SRGAP2B: variants seen among roughly 807,000 people sequenced by gnomAD.
The protein encoded by SRGAP2B is SLIT-ROBO Rho GTPase activating protein 2B.
In SRGAP2B, 9 loss-of-function variants were observed where a neutral mutation model predicts 22.2. The observed-to-expected ratio is 0.41, with a 90% confidence interval of 0.24 to 0.71. SRGAP2B has a LOEUF of 0.71. Among genes scored for constraint, SRGAP2B ranks in the 30% least tolerant of loss-of-function variants. SRGAP2B has a pLI of 0.35. For synonymous variants in SRGAP2B, 36 were observed against 87.4 expected (o/e 0.41, Z 3.28); for missense variants, 114 against 235.8 (o/e 0.48, Z 3.38).
intron 2 of SRGAP2B, among the ~76,000 whole-genome samples, chr1:145,022,801 G>T (rs1448735361): frequency 2.9e-4 from 43 of 148,666 alleles, no homozygotes; most frequent in Non-Finnish European, 5.9e-4. Flanking sequence ...TCACTTTCAC[G>T]GAGTAGGGAT....
chr1:144,908,642 A>C (rs1346844758), intron 5 of SRGAP2B, among the ~76,000 whole-genome samples: 3 of 149,664 alleles, frequency 2.0e-5, no homozygotes, highest in East Asian at 1.9e-4. Context: ...TAAGTGATGC[A>C]AAAACAATTG....
chr1:144,943,434 AT>A (rs1385896376), intron 4 of SRGAP2B, among the ~76,000 whole-genome samples: 4 of 151,790 alleles, frequency 2.6e-5, no homozygotes, highest in Non-Finnish European at 5.9e-5. Context: ...TCTGTTTTTT[AT>A]ATCATATTTT....
chr1:144,955,074 G>C (rs1429384795), intron 4 of SRGAP2B, among the ~76,000 whole-genome samples: 1 of 150,006 alleles, frequency 6.7e-6, no homozygotes, highest in Non-Finnish European at 1.5e-5. Context: ...TATAGTACCA[G>C]CCCTGGGTTT....
intron 3 of SRGAP2B, among the ~76,000 whole-genome samples, chr1:144,971,026 G>A (rs1329504302): frequency 2.0e-5 from 3 of 149,880 alleles, no homozygotes; most frequent in East Asian, 1.9e-4. Context: ...GAAACAAAGT[G>A]ACTAGAATCA....
intron 3 of SRGAP2B, among the ~76,000 whole-genome samples, chr1:144,984,368 A>C (rs1205972003): frequency 0.011 from 1,207 of 113,248 alleles, 16 homozygotes; most frequent in South Asian, 0.039. Flanking sequence ...ACAACAACAA[A>C]AAAAAAAAAA....
chr1:144,917,697 T>A (rs1570737871), intron 4 of SRGAP2B, among the ~76,000 whole-genome samples: 1 of 141,142 alleles, frequency 7.1e-6, no homozygotes, highest in East Asian at 2.0e-4. Flanking sequence ...GACTTACTGC[T>A]CCCTCTGGCT....
At chr1:145,015,576 A>C (rs1388014284) in intron 2 of SRGAP2B, among the ~76,000 whole-genome samples, 1 of 149,508 alleles carries the variant, frequency 6.7e-6, no homozygotes, top group Admixed American at 6.7e-5. Flanking sequence ...CTGTAGGAGT[A>C]TACAGAAATT....
chr1:144,964,751 C>A (rs1188086195), intron 3 of SRGAP2B, among the ~76,000 whole-genome samples: 13 of 150,650 alleles, frequency 8.6e-5, no homozygotes, highest in Non-Finnish European at 1.5e-4. Flanking sequence ...ATCTCTTCAC[C>A]TGTTTTAAAA....
At chr1:145,058,141 C>A (rs1553630747) in intron 2 of SRGAP2B, among the ~76,000 whole-genome samples, 1 of 149,674 alleles carries the variant, frequency 6.7e-6, no homozygotes, top group East Asian at 1.9e-4. Flanking sequence ...TTCCTAGGAC[C>A]TGTGTGACCA....
chr1:144,984,365 C>CAAAAAAAA (rs57268593), intron 3 of SRGAP2B, among the ~76,000 whole-genome samples: 1 of 126,424 alleles, frequency 7.9e-6, no homozygotes, highest in Non-Finnish European at 1.6e-5. Flanking sequence ...ACAACAACAA[C>CAAAAAAAA]AAAAAAAAAA....
At chr1:145,061,741 C>T (rs1650938901) in intron 2 of SRGAP2B, among the ~76,000 whole-genome samples, 6 of 147,422 alleles carry the variant, frequency 4.1e-5, no homozygotes, top group African/African-American at 1.5e-4. Flanking sequence ...GCACCTGCCA[C>T]CCACCTAGCT....
intron 2 of SRGAP2B, among the ~76,000 whole-genome samples, chr1:145,010,610 A>T (rs1553622099): frequency 2.0e-5 from 3 of 148,892 alleles, no homozygotes. Context: ...TCTTCTGTTA[A>T]ATTCAAGTAA....
At chr1:144,994,933 TG>T in intron 3 of SRGAP2B, 74 bp downstream of exon 3, 1 of 704,990 alleles carries the variant, frequency 1.4e-6, no homozygotes, top group South Asian at 2.3e-5. Context: ...TGGATCTAAG[TG>T]GCATACCCTG....
At chr1:144,944,059 C>A (rs1170490532) in intron 4 of SRGAP2B, among the ~76,000 whole-genome samples, 1 of 149,680 alleles carries the variant, frequency 6.7e-6, no homozygotes, top group Non-Finnish European at 1.5e-5. Context: ...CCAAAATATA[C>A]CCACTGTAAT....
At chr1:144,922,706 T>C (rs1664343220) in intron 4 of SRGAP2B, among the ~76,000 whole-genome samples, 1 of 150,254 alleles carries the variant, frequency 6.7e-6, no homozygotes, top group Non-Finnish European at 1.5e-5. Context: ...AGGATATGGT[T>C]CGACTGTGGG....
chr1:144,942,256 A>T (rs1666104440), intron 4 of SRGAP2B, among the ~76,000 whole-genome samples: 1 of 149,734 alleles, frequency 6.7e-6, no homozygotes, highest in Non-Finnish European at 1.5e-5. Context: ...TATTGCTGTG[A>T]TTCTTAATAA....
chr1:144,973,045 T>A (rs2102022005), intron 3 of SRGAP2B, among the ~76,000 whole-genome samples: 1 of 141,414 alleles, frequency 7.1e-6, no homozygotes, highest in African/African-American at 2.9e-5. Context: ...GAGGCAGAGG[T>A]TGCAGTGAGC....
intron 2 of SRGAP2B, among the ~76,000 whole-genome samples, chr1:145,019,179 C>CAA (rs1169095846): frequency 9.9e-4 from 40 of 40,608 alleles, no homozygotes; most frequent in African/African-American, 1.5e-3. Flanking sequence ...CTTGTCTCTA[C>CAA]AAAAAAAAAA....
rs1254359102 is a variant in SRGAP2B at position 144,915,458 on chromosome 1, GCTCACAC to G, written c.424-711_424-705del. 5.8e-4 allele frequency among the ~76,000 whole-genome samples: 87 copies of G among 150,824 alleles called. 1 individual carries two copies. Among genetic ancestry groups the G allele is most frequent in the African/African-American group, 2.1e-3 (85 of 40,364 alleles). Reference sequence around the variant, plus strand: ...TAAACAATGAGGGCTGGGCACGGTGGCTCACACCTGTAATCCCAGCACTTTGAGAGGC... The same window carrying G: ...TAAACAATGAGGGCTGGGCACGGTGGCTGTAATCCCAGCACTTTGAGAGGC... On this transcript the variant is annotated intron_variant, in intron 4 of 9. Coordinates refer to ENST00000612199, the Ensembl canonical transcript of SRGAP2B.
Sources: gnomAD v4.1 joint callset for allele counts (sites outside exome capture counted in the v4.1 genomes callset) on GRCh38, gnomAD v4.1.1 for gene constraint, MANE v1.5 for transcripts, NCBI Gene and HGNC (gene_info 2026-07-23, HGNC 2026-07-21) for gene names.